Variants in P2RY8 observed in about 807,000 individuals in gnomAD.
The protein encoded by P2RY8 is P2Y receptor family member 8, also known as S-geranylgeranyl-glutathione receptor P2RY8.
Under a neutral mutation model 10.0 loss-of-function variants are expected in P2RY8, and 6 were observed. The observed-to-expected ratio is 0.60, with a 90% CI of 0.33 to 1.19. The LOEUF is 1.19. P2RY8 is among the 50% of genes most tolerant of loss of function. The pLI is 0.04. For missense variants in P2RY8, 456 were observed against 542.0 expected (o/e 0.84, Z 1.58); for synonymous variants, 276 against 252.5 (o/e 1.09, Z -0.88).
chrX:1,527,208 C>G (rs2092445121), intron 1 of P2RY8, among the ~76,000 whole-genome samples: 1 of 152,082 alleles, frequency 6.6e-6, no homozygotes, highest in African/African-American at 2.4e-5. Flanking sequence ...TCATTCATTT[C>G]TTATCCATCC....
At chrX:1,480,525 A>T (rs2091922934) in intron 1 of P2RY8, among the ~76,000 whole-genome samples, 1 of 151,818 alleles carries the variant, frequency 6.6e-6, no homozygotes, top group Non-Finnish European at 1.5e-5. Flanking sequence ...GTAAGCTGGG[A>T]CATGGATGAA....
At chrX:1,514,702 T>TCCCTTC (rs1466200250) in intron 1 of P2RY8, among the ~76,000 whole-genome samples, 1 of 714 alleles carries the variant, frequency 1.4e-3, no homozygotes, top group African/African-American at 2.6e-3. Context: ...TTCCTTCCCT[T>TCCCTTC]CCTTCCCTTC....
chrX:1,495,092 C>T (rs1193787102), intron 1 of P2RY8, among the ~76,000 whole-genome samples: 3 of 152,096 alleles, frequency 2.0e-5, no homozygotes, highest in Non-Finnish European at 2.9e-5. Flanking sequence ...AAGCTTGAGG[C>T]TGCAGTGAGC....
At chrX:1,484,839 A>G (rs1380248011) in intron 1 of P2RY8, among the ~76,000 whole-genome samples, 4 of 151,128 alleles carry the variant, frequency 2.6e-5, no homozygotes, top group South Asian at 2.1e-4. Context: ...CGTGTTTGCA[A>G]ATTGACTCCA....
At chrX:1,515,778 C>G (rs1399475305) in intron 1 of P2RY8, among the ~76,000 whole-genome samples, 4 of 151,996 alleles carry the variant, frequency 2.6e-5, no homozygotes, top group Non-Finnish European at 5.9e-5. Flanking sequence ...GGTTTCAACC[C>G]TAAACCTCAG....
At position 1,533,768 on chromosome X, in the gene P2RY8, TTA is replaced by T. The variant is rs1259457163; in HGVS notation, c.-25+3151_-25+3152del. Reference sequence around the variant, plus strand: ...TATTTATTATTTATATATTATATACTTATATATTTATTATTTAAATATACTAT... The same window carrying T: ...TATTTATTATTTATATATTATATACTTATATTTATTATTTAAATATACTAT... On this transcript the variant is annotated intron_variant, in intron 1 of 1. Coordinates refer to ENST00000381297, the MANE Select transcript of P2RY8 (RefSeq NM_178129.5). 2.0e-3 allele frequency among the ~76,000 whole-genome samples: 247 copies of T among 124,190 alleles called. 2 individuals carry two copies. Among genetic ancestry groups the T allele is most frequent in the African/African-American group, 7.7e-3 (240 of 31,036 alleles). 81.5% of individuals were successfully genotyped at this position (124,190 alleles called of 152,430 possible).
intron 1 of P2RY8, among the ~76,000 whole-genome samples, chrX:1,473,252 G>T (rs1193013442): frequency 6.6e-6 from 1 of 151,244 alleles, no homozygotes; most frequent in Non-Finnish European, 1.5e-5. Context: ...TGGGTGCGTG[G>T]ACGGATGGGT....
intron 1 of P2RY8, among the ~76,000 whole-genome samples, chrX:1,482,737 T>A (rs2091949074): frequency 6.6e-6 from 1 of 152,114 alleles, no homozygotes; most frequent in South Asian, 2.1e-4. Context: ...ATGTGGCACA[T>A]ATACACCATG....
At chrX:1,517,670 G>A (rs1351974006) in intron 1 of P2RY8, among the ~76,000 whole-genome samples, 1 of 152,142 alleles carries the variant, frequency 6.6e-6, no homozygotes, top group Non-Finnish European at 1.5e-5. Flanking sequence ...AGCCTGTGGG[G>A]CCAGGTAATG....
At chrX:1,497,400 G>A (rs746922655) in intron 1 of P2RY8, among the ~76,000 whole-genome samples, 16 of 151,202 alleles carry the variant, frequency 1.1e-4, no homozygotes, top group African/African-American at 3.6e-4. Flanking sequence ...GCTCACACCT[G>A]TAATCCCAGC....
rs1158663282 is a variant in P2RY8 at position 1,464,308 on chromosome X, GC to G, written c.*1170del. 2 of 233,356 alleles carry G rather than the reference GC, an allele frequency of 8.6e-6. No individual in the cohort carries two copies. Among genetic ancestry groups the G allele is most frequent in the East Asian group, 1.2e-4 (2 of 16,606 alleles). 14.5% of individuals were successfully genotyped at this position (233,356 alleles called of 1,614,324 possible). On this transcript the variant is annotated 3_prime_UTR_variant, in exon 2 of 2. Transcript: ENST00000381297. ...GGTGTTGGGGCTGGTGCAGGCACAT[GC>G]CGTGTAGAAGAAGACAGACAAAGAC...
chrX:1,514,630 CCT>C (rs1406616302), intron 1 of P2RY8, among the ~76,000 whole-genome samples: 1 of 82,122 alleles, frequency 1.2e-5, no homozygotes, highest in African/African-American at 5.7e-5. Flanking sequence ...CCTTCCTTTT[CCT>C]TTCCCTTCCC....
In P2RY8 at chrX:1,507,668, C is replaced by T. The variant is rs1358364093; in HGVS notation, c.-25+29253G>A. Among the ~76,000 whole-genome samples the T allele has an allele frequency of 7.9e-5, 12 of 152,256 alleles. No individual in the cohort carries two copies. The East Asian group carries it at 1.2e-3, about 15-fold the overall frequency. ...GTGCCGGCCCCTCCTGTTGGCGACG[C>T]GCGATTTCCGCCCCCCTGCCTGACT... On this transcript the variant is annotated intron_variant, in intron 1 of 1. Transcript: ENST00000381297.
intron 1 of P2RY8, among the ~76,000 whole-genome samples, chrX:1,487,839 G>A (rs1428048142): frequency 6.6e-6 from 1 of 152,152 alleles, no homozygotes; most frequent in Non-Finnish European, 1.5e-5. Flanking sequence ...GGCCAGGCGC[G>A]GTGGCTCACG....
At chrX:1,480,884 A>C (rs1418503896) in intron 1 of P2RY8, among the ~76,000 whole-genome samples, 1 of 151,458 alleles carries the variant, frequency 6.6e-6, no homozygotes, top group Non-Finnish European at 1.5e-5. Context: ...GCCAAAAAAA[A>C]CTCTTAAGAT....
chrX:1,520,219 ATCTT>A (rs2149408884), intron 1 of P2RY8, among the ~76,000 whole-genome samples: 1 of 150,112 alleles, frequency 6.7e-6, no homozygotes, highest in Non-Finnish European at 1.5e-5. Context: ...GTCCCCAATC[ATCTT>A]TCTGATCCCC....
chrX:1,510,827 C>T (rs866627228), intron 1 of P2RY8, among the ~76,000 whole-genome samples: 8 of 151,940 alleles, frequency 5.3e-5, no homozygotes, highest in Middle Eastern at 3.4e-3. Flanking sequence ...TGCAGTGAGC[C>T]GTGATCGCGT....
intron 1 of P2RY8, among the ~76,000 whole-genome samples, chrX:1,472,891 GTGGA>G (rs1441937364): frequency 4.0e-5 from 5 of 125,960 alleles, no homozygotes; most frequent in Non-Finnish European, 8.4e-5. Context: ...GGATGGGTTG[GTGGA>G]TGGATGATGA....
At chrX:1,494,791 C>T (rs2092100560) in intron 1 of P2RY8, among the ~76,000 whole-genome samples, 2 of 152,182 alleles carry the variant, frequency 1.3e-5, no homozygotes, top group South Asian at 2.1e-4. Flanking sequence ...CTGTCACTTC[C>T]TCCTCCCAGG....
Sources: gnomAD v4.1 joint callset for allele counts (sites outside exome capture counted in the v4.1 genomes callset) on GRCh38, gnomAD v4.1.1 for gene constraint, MANE v1.5 for transcripts, NCBI Gene and HGNC (gene_info 2026-07-23, HGNC 2026-07-21) for gene names.